The following KCNIP4 variants were observed in gnomAD, a reference collection of about 807,000 sequenced individuals.
The protein encoded by KCNIP4 is potassium voltage-gated channel interacting protein 4.
A neutral mutation model predicts 34.0 loss-of-function variants in KCNIP4; 12 were observed. The observed-to-expected ratio is 0.35, with a 90% CI of 0.23 to 0.57. The LOEUF (loss-of-function observed/expected upper bound fraction) is 0.57, where lower values mean the gene tolerates loss of function less well. KCNIP4 is among the 20% of genes least tolerant of loss of function. The pLI is 0.83. For missense variants in KCNIP4, 238 were observed against 311.7 expected (o/e 0.76, Z 1.78); for synonymous variants, 124 against 102.2 (o/e 1.21, Z -1.29).
At chr4:21,567,232 G>T (rs1260985723) in intron 1 of KCNIP4, among the ~76,000 whole-genome samples, 5 of 151,720 alleles carry the variant, frequency 3.3e-5, no homozygotes, top group Non-Finnish European at 4.4e-5. Context: ...TATATGTGTA[G>T]ATCTATATAT....
At chr4:21,158,311 C>A (rs549168150) in intron 1 of KCNIP4, among the ~76,000 whole-genome samples, 1 of 151,998 alleles carries the variant, frequency 6.6e-6, no homozygotes, top group Non-Finnish European at 1.5e-5. Flanking sequence ...TATGAGCCAG[C>A]ATTACCCCAG....
At chr4:21,088,406 T>C (rs1455383386) in intron 1 of KCNIP4, among the ~76,000 whole-genome samples, 1 of 152,220 alleles carries the variant, frequency 6.6e-6, no homozygotes, top group Non-Finnish European at 1.5e-5. Flanking sequence ...TACTGTCTCT[T>C]GTACAGGGAT....
chr4:21,551,865 C>T (rs539122647), intron 1 of KCNIP4, among the ~76,000 whole-genome samples: 24 of 151,822 alleles, frequency 1.6e-4, no homozygotes, highest in South Asian at 1.2e-3. Flanking sequence ...TGTATTATTG[C>T]GAGAAAGGAT....
At chr4:20,736,653 T>A (rs1318199209) in intron 5 of KCNIP4, among the ~76,000 whole-genome samples, 2 of 152,226 alleles carry the variant, frequency 1.3e-5, no homozygotes, top group Admixed American at 1.3e-4. Flanking sequence ...ATATTCTTAG[T>A]TTTTTCTTGA....
chr4:21,147,956 A>AAAAAAAG (rs1553945843), intron 1 of KCNIP4, among the ~76,000 whole-genome samples: 1 of 128,414 alleles, frequency 7.8e-6, no homozygotes, highest in African/African-American at 3.1e-5. Flanking sequence ...AAAAAAAAAA[A>AAAAAAAG]AAAAGAAAAA....
At chr4:21,590,608 T>G (rs1210392614) in intron 1 of KCNIP4, among the ~76,000 whole-genome samples, 4 of 151,946 alleles carry the variant, frequency 2.6e-5, no homozygotes, top group African/African-American at 9.7e-5. Flanking sequence ...GATGTTTATT[T>G]CAGCATATAC....
intron 1 of KCNIP4, among the ~76,000 whole-genome samples, chr4:21,266,056 T>C (rs1198905154): frequency 3.3e-5 from 5 of 152,228 alleles, no homozygotes; most frequent in Admixed American, 2.0e-4. Flanking sequence ...ATCAGTCCCA[T>C]TTAACAGATG....
intron 1 of KCNIP4, among the ~76,000 whole-genome samples, chr4:21,155,134 G>A (rs929952171): frequency 6.6e-6 from 1 of 152,184 alleles, no homozygotes; most frequent in African/African-American, 2.4e-5. Context: ...GATGGTGGGA[G>A]AGAAAGATTA....
rs376436938 is a variant in KCNIP4, at chr4:20,841,917, C to A, written c.288+8626G>T. 6.0e-4 allele frequency among the ~76,000 whole-genome samples: 91 copies of A among 152,076 alleles called. 1 individual carries two copies. In the South Asian group the frequency reaches 0.017, roughly 29 times the overall value. On this transcript the variant is annotated intron_variant, in intron 3 of 8. Coordinates refer to ENST00000382152, the MANE Select transcript of KCNIP4 (RefSeq NM_025221.6). Reference sequence around the variant, plus strand: ...ATGCCTAGAAAGTCCTTTTTTCTACCTTCCCATGGCCGTGCCCTTCTTGAC... The same window carrying A: ...ATGCCTAGAAAGTCCTTTTTTCTACATTCCCATGGCCGTGCCCTTCTTGAC...
intron 1 of KCNIP4, among the ~76,000 whole-genome samples, chr4:21,372,938 C>T (rs1256137434): frequency 1.4e-5 from 2 of 145,612 alleles, no homozygotes; most frequent in African/African-American, 2.8e-5. Flanking sequence ...TGAAACTTAG[C>T]TGTGCCTCAT....
intron 1 of KCNIP4, among the ~76,000 whole-genome samples, chr4:21,383,656 T>A (rs899975791): frequency 1.2e-4 from 18 of 152,098 alleles, no homozygotes. Context: ...TTAAATAGAT[T>A]TATCTATTAC....
At chr4:21,569,946 T>C (rs1457341001) in intron 1 of KCNIP4, among the ~76,000 whole-genome samples, 2 of 151,988 alleles carry the variant, frequency 1.3e-5, no homozygotes, top group African/African-American at 4.8e-5. Context: ...GGCTCTGCTG[T>C]GTGTTGGGAG....
intron 1 of KCNIP4, among the ~76,000 whole-genome samples, chr4:21,255,397 A>G (rs1274580630): frequency 6.6e-6 from 1 of 151,346 alleles, no homozygotes; most frequent in East Asian, 1.9e-4. Context: ...TTTTTTTCTT[A>G]TCTCCCCTCT....
At chr4:21,934,393 C>T (rs1729734323) in intron 1 of KCNIP4, among the ~76,000 whole-genome samples, 1 of 151,986 alleles carries the variant, frequency 6.6e-6, no homozygotes, top group Non-Finnish European at 1.5e-5. Flanking sequence ...TTCTTTTTCC[C>T]AACCCACAAA....
At chr4:21,154,355 C>T (rs1752989000) in intron 1 of KCNIP4, among the ~76,000 whole-genome samples, 1 of 152,152 alleles carries the variant, frequency 6.6e-6, no homozygotes, top group African/African-American at 2.4e-5. Context: ...CTAAATCCCC[C>T]ACAGAAACTT....
intron 1 of KCNIP4, among the ~76,000 whole-genome samples, chr4:21,301,902 G>A (rs964213762): frequency 1.3e-5 from 2 of 152,200 alleles, no homozygotes; most frequent in Non-Finnish European, 2.9e-5. Flanking sequence ...ACTTCCAAAT[G>A]AAAAACACTA....
At chr4:21,920,673 G>T (rs1436700987) in intron 1 of KCNIP4, among the ~76,000 whole-genome samples, 1 of 152,036 alleles carries the variant, frequency 6.6e-6, no homozygotes, top group Non-Finnish European at 1.5e-5. Flanking sequence ...TATGTTATAT[G>T]CAAAAATACT....
At chr4:21,154,418 T>C (rs1752994310) in intron 1 of KCNIP4, among the ~76,000 whole-genome samples, 2 of 152,240 alleles carry the variant, frequency 1.3e-5, no homozygotes, top group Non-Finnish European at 2.9e-5. Flanking sequence ...TTATTGTATC[T>C]TCAACCCATT....
chr4:21,071,985 TGGC>T (rs914941152), intron 1 of KCNIP4, among the ~76,000 whole-genome samples: 2 of 152,244 alleles, frequency 1.3e-5, no homozygotes, highest in African/African-American at 4.8e-5. Context: ...TCCTTTTTTA[TGGC>T]TACATAATAT....
Sources: allele counts gnomAD v4.1 joint callset (sites outside exome capture counted in the v4.1 genomes callset), GRCh38; gene constraint gnomAD v4.1.1; transcripts MANE v1.5; gene names NCBI Gene and HGNC (gene_info 2026-07-23, HGNC 2026-07-21).